AGMO: variants seen among roughly 807,000 people sequenced by gnomAD.
AGMO encodes alkylglycerol monooxygenase, also known as glyceryl-ether monooxygenase.
Under a neutral mutation model 60.2 loss-of-function variants are expected in AGMO, and 75 were observed. The ratio of observed to expected loss-of-function variants is 1.25; its 90% CI spans 1.03 to 1.51. The LOEUF (loss-of-function observed/expected upper bound fraction) is 1.51. Ranked by LOEUF, AGMO falls within the 40% of genes most tolerant of loss-of-function variation. The probability of loss-of-function intolerance (pLI) is 0.00; values close to 1 mark genes in which losing one functional copy is unlikely to be tolerated. For synonymous variants in AGMO, 261 were observed against 177.1 expected (o/e 1.47, Z -3.76); for missense variants, 763 against 525.5 (o/e 1.45, Z -4.42).
chr7:15,550,310 T>G (rs1274283657), intron 2 of AGMO, among the ~76,000 whole-genome samples: 1 of 151,702 alleles, frequency 6.6e-6, no homozygotes. Context: ...AAGAAATAAC[T>G]AAAATCAGAG....
the AGMO span, among the ~76,000 whole-genome samples, chr7:15,135,974 C>CTTTT: frequency 1.6e-3 from 102 of 63,718 alleles, no homozygotes; most frequent in African/African-American, 3.6e-3. Context: ...TATATTTTTT[C>CTTTT]TTTTCTTTTT....
intron 12 of AGMO, among the ~76,000 whole-genome samples, chr7:15,323,233 T>C (rs571144998): frequency 8.1e-4 from 124 of 152,252 alleles, no homozygotes; most frequent in African/African-American, 2.9e-3. Context: ...TATTGAATAA[T>C]CACCATGAGC....
chr7:15,455,590 GTC>G (rs1439568004), intron 3 of AGMO, among the ~76,000 whole-genome samples: 2 of 151,948 alleles, frequency 1.3e-5, no homozygotes, highest in African/African-American at 4.8e-5. Flanking sequence ...ATTTCCTCTA[GTC>G]CACAGAAGGG....
chr7:15,322,715 AATATATAAATAT>A (rs1184678063), intron 12 of AGMO, among the ~76,000 whole-genome samples: 14 of 47,436 alleles, frequency 3.0e-4, no homozygotes, highest in East Asian at 1.1e-3. Context: ...AATATATATA[AATATATAAATAT>A]ATATATAAAT....
chr7:15,186,545 C>T, the AGMO span, among the ~76,000 whole-genome samples: 2 of 152,144 alleles, frequency 1.3e-5, no homozygotes, highest in African/African-American at 4.8e-5. Context: ...GAAAACCACC[C>T]AACTTAGGCT....
At chr7:15,228,579 A>C (rs1337473672) in intron 12 of AGMO, among the ~76,000 whole-genome samples, 3 of 152,164 alleles carry the variant, frequency 2.0e-5, no homozygotes, top group South Asian at 2.1e-4. Flanking sequence ...CAAATGCAGG[A>C]CAGAAAAGTG....
At chr7:15,137,157 A>C in the AGMO span, among the ~76,000 whole-genome samples, 1 of 152,198 alleles carries the variant, frequency 6.6e-6, no homozygotes, top group East Asian at 1.9e-4. Flanking sequence ...CTTCTTCTAC[A>C]GCCTTCAAGT....
chr7:15,409,736 T>A (rs749225581), intron 5 of AGMO, among the ~76,000 whole-genome samples: 1 of 151,796 alleles, frequency 6.6e-6, no homozygotes, highest in Non-Finnish European at 1.5e-5. Flanking sequence ...GGTGGCTATT[T>A]ATTACAACAT....
intron 4 of AGMO, 62 bp from the exon 5 acceptor site, chr7:15,418,715 G>C (rs923064944): frequency 1.0e-6 from 1 of 987,240 alleles, no homozygotes; most frequent in Non-Finnish European, 1.5e-6. Flanking sequence ...CTTTGTTAAT[G>C]GTTCAATATT....
intron 3 of AGMO, among the ~76,000 whole-genome samples, chr7:15,517,305 C>G (rs1783842003): frequency 6.6e-6 from 1 of 150,888 alleles, no homozygotes; most frequent in Non-Finnish European, 1.5e-5. Flanking sequence ...AAAATTTAAT[C>G]TAGTGTGGGG....
chr7:15,270,626 T>TC (rs1193584468), intron 12 of AGMO, among the ~76,000 whole-genome samples: 2 of 84,830 alleles, frequency 2.4e-5, no homozygotes, highest in African/African-American at 6.9e-5. Context: ...TTTTTTTTTT[T>TC]TTTTTTTTTT....
At chr7:15,228,487 T>C (rs1782155337) in intron 12 of AGMO, among the ~76,000 whole-genome samples, 1 of 151,984 alleles carries the variant, frequency 6.6e-6, no homozygotes, top group Non-Finnish European at 1.5e-5. Flanking sequence ...GCTGGAGAAA[T>C]AGTTGTGAAG....
the AGMO span, among the ~76,000 whole-genome samples, chr7:15,148,413 C>T: frequency 7.2e-5 from 11 of 151,912 alleles, no homozygotes; most frequent in Admixed American, 6.6e-4. Flanking sequence ...GTTTGGTGTA[C>T]AAGTGATTTC....
At chr7:15,319,799 A>C (rs540703131) in intron 12 of AGMO, among the ~76,000 whole-genome samples, 1 of 152,274 alleles carries the variant, frequency 6.6e-6, no homozygotes, top group South Asian at 2.1e-4. Flanking sequence ...AATTATTATT[A>C]TATGTCTTTA....
At chr7:15,558,009 C>G (rs112773940) in intron 2 of AGMO, among the ~76,000 whole-genome samples, 11,264 of 151,550 alleles carry the variant, frequency 0.074, 1,411 homozygotes, top group African/African-American at 0.26. Context: ...CTCTCTCTCT[C>G]TCTCTCTCTC....
At chr7:15,390,576 AAT>A in intron 8 of AGMO, 93 bp downstream of exon 8, 1 of 985,682 alleles carries the variant, frequency 1.0e-6, no homozygotes, top group East Asian at 2.5e-5. Flanking sequence ...AGGTTAGTGT[AAT>A]ATACTTTCAC....
At chr7:15,448,973 T>C (rs2128504780) in intron 3 of AGMO, among the ~76,000 whole-genome samples, 1 of 152,300 alleles carries the variant, frequency 6.6e-6, no homozygotes, top group Non-Finnish European at 1.5e-5. Flanking sequence ...TACTAAGTGT[T>C]AGAGCTGGAG....
At chr7:15,396,694 T>C (rs1054054796) in intron 5 of AGMO, 2 of 151,752 alleles carry the variant, frequency 1.3e-5, no homozygotes, top group African/African-American at 2.4e-5. Context: ...AGAGAGCTGA[T>C]TGGTCCACTT....
In AGMO at chr7:15,418,743, T is replaced by C. The variant is rs1055216979; in HGVS notation, c.514-90A>G. ...TCAATATTCTGAATGCATATTTCTT[T>C]AGGAAATATATCTCATACTATATAC... On this transcript the variant is annotated intron_variant, in intron 4 of 12. Coordinates refer to ENST00000342526, the MANE Select transcript of AGMO (RefSeq NM_001004320.2). The C allele has an allele frequency of 7.9e-6, 6 of 758,350 alleles. No individual in the cohort carries two copies. In the East Asian group the frequency reaches 1.5e-4, roughly 19 times the overall value. 47.0% of individuals were successfully genotyped at this position (758,350 alleles called of 1,614,324 possible).
Sources: gnomAD v4.1 joint callset for allele counts (sites outside exome capture counted in the v4.1 genomes callset) on GRCh38, gnomAD v4.1.1 for gene constraint, MANE v1.5 for transcripts, NCBI Gene and HGNC (gene_info 2026-07-23, HGNC 2026-07-21) for gene names.